The following CNTNAP2 variants were observed in gnomAD, a reference collection of about 807,000 sequenced individuals.
CNTNAP2 encodes contactin associated protein 2, also known as contactin-associated protein-like 2.
A neutral mutation model predicts 155.2 loss-of-function variants in CNTNAP2; 98 were observed. That is an observed-to-expected ratio of 0.63 (90% CI 0.54 to 0.75). The LOEUF (loss-of-function observed/expected upper bound fraction) is 0.75, where lower values mean the gene tolerates loss of function less well. CNTNAP2 is among the 30% of genes least tolerant of loss of function. CNTNAP2 has a pLI of 0.00. For synonymous variants in CNTNAP2, 651 were observed against 631.2 expected (o/e 1.03, Z -0.47); for missense variants, 1,727 against 1,688.1 (o/e 1.02, Z -0.40).
intron 2 of CNTNAP2, among the ~76,000 whole-genome samples, chr7:146,827,293 G>A (rs1219292810): frequency 6.6e-6 from 1 of 151,908 alleles, no homozygotes; most frequent in Non-Finnish European, 1.5e-5. Flanking sequence ...CTTAGTACTT[G>A]TTCAGGGTTT....
intron 12 of CNTNAP2, among the ~76,000 whole-genome samples, chr7:147,626,360 C>T (rs1343556219): frequency 6.6e-6 from 1 of 151,920 alleles, no homozygotes; most frequent in African/African-American, 2.4e-5. Context: ...GGTTAGGCCT[C>T]TCACTAATGG....
intron 1 of CNTNAP2, among the ~76,000 whole-genome samples, chr7:146,138,112 C>T (rs1188539812): frequency 6.6e-6 from 1 of 152,030 alleles, no homozygotes; most frequent in East Asian, 1.9e-4. Flanking sequence ...AGAGAGAAAA[C>T]ATTCTCAAGC....
At chr7:147,740,353 T>C (rs1796936043) in intron 13 of CNTNAP2, among the ~76,000 whole-genome samples, 1 of 152,146 alleles carries the variant, frequency 6.6e-6, no homozygotes, top group Admixed American at 6.5e-5. Context: ...CCCCCAAAAA[T>C]AGTAAAAATA....
intron 3 of CNTNAP2, among the ~76,000 whole-genome samples, chr7:147,036,142 AGCT>A (rs1799147650): frequency 6.6e-6 from 1 of 152,128 alleles, no homozygotes; most frequent in Non-Finnish European, 1.5e-5. Context: ...AAAGTTTGTG[AGCT>A]ATGAATAATT....
chr7:146,394,025 A>G (rs934840060), intron 1 of CNTNAP2, among the ~76,000 whole-genome samples: 2 of 152,106 alleles, frequency 1.3e-5, no homozygotes, highest in African/African-American at 4.8e-5. Flanking sequence ...GATCTTTTCA[A>G]AGGCTGCTTG....
At chr7:146,881,028 A>G (rs1240715160) in intron 3 of CNTNAP2, among the ~76,000 whole-genome samples, 1 of 152,160 alleles carries the variant, frequency 6.6e-6, no homozygotes, top group African/African-American at 2.4e-5. Context: ...ATAAGGAATT[A>G]TTTTTGTTAC....
intron 9 of CNTNAP2, among the ~76,000 whole-genome samples, chr7:147,359,977 A>G (rs947645026): frequency 2.0e-5 from 3 of 152,174 alleles, no homozygotes; most frequent in African/African-American, 7.2e-5. Flanking sequence ...TGAAAGTTCA[A>G]AGAATTTTGT....
At chr7:147,771,785 C>A (rs1032691987) in intron 13 of CNTNAP2, among the ~76,000 whole-genome samples, 4 of 151,582 alleles carry the variant, frequency 2.6e-5, no homozygotes, top group African/African-American at 9.7e-5. Context: ...TTTTTGTAAT[C>A]TTTACTGTAG....
chr7:146,597,739 G>A (rs1584999710), intron 1 of CNTNAP2, among the ~76,000 whole-genome samples: 1 of 152,020 alleles, frequency 6.6e-6, no homozygotes, highest in East Asian at 1.9e-4. Flanking sequence ...GATCAACATT[G>A]TGGAGAAAAT....
chr7:146,154,530 A>T (rs984463310), intron 1 of CNTNAP2, among the ~76,000 whole-genome samples: 1 of 152,226 alleles, frequency 6.6e-6, no homozygotes, highest in African/African-American at 2.4e-5. Context: ...GGAAGTCAAT[A>T]TTGAATTTCA....
intron 8 of CNTNAP2, among the ~76,000 whole-genome samples, chr7:147,273,626 CTGAGT>C (rs1361765522): frequency 6.6e-6 from 1 of 151,622 alleles, no homozygotes; most frequent in Non-Finnish European, 1.5e-5. Context: ...TTTTCTATTT[CTGAGT>C]TATTTGTCTT....
chr7:147,507,563 T>C (rs1196311828), intron 11 of CNTNAP2, among the ~76,000 whole-genome samples: 3 of 141,978 alleles, frequency 2.1e-5, no homozygotes, highest in Admixed American at 7.0e-5. Flanking sequence ...TTTTTTTTTT[T>C]TTTTTTTTTT....
intron 3 of CNTNAP2, among the ~76,000 whole-genome samples, chr7:147,001,982 TA>T (rs1480183621): frequency 6.6e-6 from 1 of 151,744 alleles, no homozygotes; most frequent in Non-Finnish European, 1.5e-5. Context: ...AGGAGACATT[TA>T]AAAAAATAGT....
chr7:146,971,490 T>A (rs1461733730), intron 3 of CNTNAP2, among the ~76,000 whole-genome samples: 2 of 152,212 alleles, frequency 1.3e-5, no homozygotes, highest in African/African-American at 4.8e-5. Flanking sequence ...TGGGCTCGTA[T>A]AGCAAAATTC....
At chr7:146,733,793 T>C (rs1801566671) in intron 1 of CNTNAP2, among the ~76,000 whole-genome samples, 1 of 152,070 alleles carries the variant, frequency 6.6e-6, no homozygotes, top group Admixed American at 6.5e-5. Context: ...TGTTTGAGGG[T>C]AGAAATAGGA....
intron 1 of CNTNAP2, among the ~76,000 whole-genome samples, chr7:146,702,368 GA>G (rs1466591638): frequency 6.6e-6 from 1 of 152,000 alleles, no homozygotes; most frequent in Admixed American, 6.6e-5. Context: ...GCGTTCTATA[GA>G]AAAAATTAAG....
intron 15 of CNTNAP2, among the ~76,000 whole-genome samples, chr7:148,096,292 T>A (rs1803969546): frequency 6.6e-6 from 1 of 151,666 alleles, no homozygotes; most frequent in African/African-American, 2.4e-5. Flanking sequence ...TGTGTGTGTG[T>A]GTGTGTGTGT....
At chr7:148,007,019 A>T (rs2116900405) in intron 15 of CNTNAP2, among the ~76,000 whole-genome samples, 1 of 152,336 alleles carries the variant, frequency 6.6e-6, no homozygotes, top group South Asian at 2.1e-4. Flanking sequence ...TACAAGGGTC[A>T]TTTCAGAGAG....
At chr7:146,137,388 G>A (rs1797812544) in intron 1 of CNTNAP2, among the ~76,000 whole-genome samples, 1 of 152,000 alleles carries the variant, frequency 6.6e-6, no homozygotes, top group Admixed American at 6.6e-5. Context: ...CATGAAAATA[G>A]GACTGTTTCA....
Sources: allele counts gnomAD v4.1 joint callset (sites outside exome capture counted in the v4.1 genomes callset), GRCh38; gene constraint gnomAD v4.1.1; transcripts MANE v1.5; gene names NCBI Gene and HGNC (gene_info 2026-07-23, HGNC 2026-07-21).